Variants in GPR107 observed in about 807,000 individuals in gnomAD.
GPR107 encodes the protein G protein-coupled receptor 107, also known as protein GPR107.
GPR107 carries 31 observed loss-of-function variants against 75.5 expected under a neutral mutation model. The ratio of observed to expected loss-of-function variants is 0.41; its 90% CI spans 0.31 to 0.55. The LOEUF is 0.55. GPR107 is among the 20% of genes least tolerant of loss of function. The probability of loss-of-function intolerance (pLI) is 0.26; values close to 1 mark genes in which losing one functional copy is unlikely to be tolerated. For synonymous variants in GPR107, 267 were observed against 251.3 expected (o/e 1.06, Z -0.59); for missense variants, 572 against 665.7 (o/e 0.86, Z 1.55).
intron 15 of GPR107, among the ~76,000 whole-genome samples, chr9:130,125,981 G>C (rs895812019): frequency 1.3e-5 from 2 of 151,152 alleles, no homozygotes; most frequent in African/African-American, 4.9e-5. Context: ...CTTGAACCCA[G>C]GAGGCTGAGG....
chr9:130,059,905 A>T (rs1198033647), intron 1 of GPR107, among the ~76,000 whole-genome samples: 2 of 150,698 alleles, frequency 1.3e-5, no homozygotes, highest in Non-Finnish European at 3.0e-5. Context: ...CACCTGGCCA[A>T]TTTTTTGTAT....
chr9:130,112,126 C>T lies in GPR107; in HGVS notation c.1306+4587C>T, dbSNP rs574555864. Among the ~76,000 whole-genome samples the T allele has an allele frequency of 1.3e-5, 2 of 152,176 alleles. No individual in the cohort carries two copies. Among genetic ancestry groups the T allele is most frequent in the Non-Finnish European group, 2.9e-5 (2 of 68,032 alleles). On this transcript the variant is annotated intron_variant, in intron 14 of 17. Coordinates refer to ENST00000347136, the MANE Select transcript of GPR107 (RefSeq NM_020960.5). This position sits in a 1 kb window ranked among gnomAD's most constrained non-coding sequence, Gnocchi z 4.0. ...TTAATTAACAGTCTCTGCTGCTCACCATCCTTTTTTTGGGCCTTGTGTTTC... is the reference window on the plus strand; with the variant it reads ...TTAATTAACAGTCTCTGCTGCTCACTATCCTTTTTTTGGGCCTTGTGTTTC...
At chr9:130,076,531 ACTT>A in intron 3 of GPR107, 69 bp downstream of exon 3, 1 of 949,140 alleles carries the variant, frequency 1.1e-6, no homozygotes, top group East Asian at 2.4e-5. Flanking sequence ...GGAACACCCT[ACTT>A]CTTGCAGTTC....
At chr9:130,107,241 T>C (rs1831180574) in intron 13 of GPR107, among the ~76,000 whole-genome samples, 1 of 152,148 alleles carries the variant, frequency 6.6e-6, no homozygotes, top group Non-Finnish European at 1.5e-5. Context: ...GATGGAGTTT[T>C]GTTTTCTCCT....
intron 7 of GPR107, among the ~76,000 whole-genome samples, chr9:130,088,262 C>G (rs796903560): frequency 6.6e-6 from 1 of 152,150 alleles, no homozygotes; most frequent in African/African-American, 2.4e-5. Context: ...TGCTTTTTCT[C>G]GGACAGATCA....
At chr9:130,128,863 CA>C (rs1464822096) in intron 17 of GPR107, 102 bp downstream of exon 17, 1 of 1,077,394 alleles carries the variant, frequency 9.3e-7, no homozygotes, top group African/African-American at 1.6e-5. Flanking sequence ...TTCGTGGCTG[CA>C]GGGGTGGTTC....
intron 5 of GPR107, among the ~76,000 whole-genome samples, chr9:130,080,111 A>G (rs1830456083): frequency 1.3e-5 from 2 of 152,200 alleles, no homozygotes; most frequent in Non-Finnish European, 2.9e-5. Flanking sequence ...CATACCTATC[A>G]TATATCCTGT....
chr9:130,054,586 C>T (rs1185977390), intron 1 of GPR107, among the ~76,000 whole-genome samples: 1 of 152,184 alleles, frequency 6.6e-6, no homozygotes, highest in Non-Finnish European at 1.5e-5. Flanking sequence ...GCTTAAAACA[C>T]GTGACTGAGA....
At chr9:130,073,778 CAG>C (rs1368063265) in intron 1 of GPR107, among the ~76,000 whole-genome samples, 1 of 152,172 alleles carries the variant, frequency 6.6e-6, no homozygotes, top group East Asian at 1.9e-4. Context: ...GTTTTTGAGA[CAG>C]AGTCTCACTG....
chr9:130,061,420 G>C (rs1829921379), intron 1 of GPR107, among the ~76,000 whole-genome samples: 1 of 152,148 alleles, frequency 6.6e-6, no homozygotes, highest in Non-Finnish European at 1.5e-5. Context: ...CACAGGCAGA[G>C]GAACAGGAAG....
At chr9:130,130,430 C>T (rs1029008160) in intron 17 of GPR107, among the ~76,000 whole-genome samples, 1 of 152,188 alleles carries the variant, frequency 6.6e-6, no homozygotes, top group African/African-American at 2.4e-5. Context: ...TGTCCTCATT[C>T]ATGGTTGCTG....
chr9:130,129,115 G>A (rs1208115893), intron 17 of GPR107: 2 of 186,788 alleles, frequency 1.1e-5, no homozygotes, highest in Non-Finnish European at 1.1e-5. Flanking sequence ...AGGCGCTTAC[G>A]TCTGAAAATG....
rs542432947 is a variant in GPR107 at position 130,122,661 on chromosome 9, C to T, written c.1307-2254C>T. Among the ~76,000 whole-genome samples, 4 of 152,256 alleles carry T rather than the reference C, an allele frequency of 2.6e-5. No homozygotes were observed. The South Asian group carries it at 8.3e-4, about 32-fold the overall frequency. On this transcript the variant is annotated intron_variant, in intron 14 of 17. Transcript: ENST00000347136. Reference sequence around the variant, plus strand: ...CCCCGGGGGCAGAGGCTGCAGCTGTCGTGTATACTGCTGTATCCCAGGGCC... The same window carrying T: ...CCCCGGGGGCAGAGGCTGCAGCTGTTGTGTATACTGCTGTATCCCAGGGCC...
chr9:130,132,522 C>G (rs1588088364), intron 17 of GPR107, among the ~76,000 whole-genome samples: 1 of 152,244 alleles, frequency 6.6e-6, no homozygotes, highest in African/African-American at 2.4e-5. Context: ...TGCAGTGGCT[C>G]ACGCCTGTAA....
Position 130,135,310 on chromosome 9 carries a change from G to T in GPR107, c.*189G>T. The stretch of plus-strand genomic sequence containing the variant: ...TCTTTTATGGAAACGATCTGTGGCT[G>T]TTTAGAGGCAGCTGGATCCTCTTTC... On this transcript the variant is annotated 3_prime_UTR_variant, in exon 18 of 18. Transcript: ENST00000347136. The T allele has an allele frequency of 7.2e-5, 30 of 416,508 alleles. No homozygotes were observed. The highest frequency in any genetic ancestry group is 1.0e-4 in the Non-Finnish European group (24 of 232,636). 25.8% of individuals were successfully genotyped at this position (416,508 alleles called of 1,614,324 possible). A position where few individuals can be genotyped will look rare whatever the true frequency, so the allele number is the denominator to read the frequency against.
chr9:130,111,373 G>T (rs541087676), intron 14 of GPR107, among the ~76,000 whole-genome samples: 4 of 152,058 alleles, frequency 2.6e-5, no homozygotes, highest in South Asian at 4.2e-4. Flanking sequence ...TCTAGAAAAA[G>T]ATACAAAAAT....
intron 14 of GPR107, among the ~76,000 whole-genome samples, chr9:130,114,961 C>A (rs1159274710): frequency 1.3e-5 from 2 of 152,168 alleles, no homozygotes; most frequent in Non-Finnish European, 2.9e-5. Context: ...TCCAGGGCAG[C>A]TTATGCCAAA....
chr9:130,055,946 C>G (rs1564654876), intron 1 of GPR107, among the ~76,000 whole-genome samples: 2 of 150,932 alleles, frequency 1.3e-5, no homozygotes, highest in Admixed American at 6.6e-5. Flanking sequence ...TACTCTGTCT[C>G]AAATAAATAA....
intron 1 of GPR107, among the ~76,000 whole-genome samples, chr9:130,058,064 G>C (rs1427626152): frequency 6.6e-6 from 1 of 152,018 alleles, no homozygotes; most frequent in Non-Finnish European, 1.5e-5. Context: ...CCTAACCTCA[G>C]GTGATCCACC....
Sources: allele counts gnomAD v4.1 joint callset (sites outside exome capture counted in the v4.1 genomes callset), GRCh38; gene constraint gnomAD v4.1.1; non-coding constraint Gnocchi (gnomAD v3.1); transcripts MANE v1.5; gene names NCBI Gene and HGNC (gene_info 2026-07-23, HGNC 2026-07-21).